The following ASIC2 variants were observed in gnomAD, a reference collection of about 807,000 sequenced individuals.
ASIC2 encodes acid sensing ion channel subunit 2.
A neutral mutation model predicts 57.3 loss-of-function variants in ASIC2; 25 were observed. That is an observed-to-expected ratio of 0.44 (90% CI 0.32 to 0.61). ASIC2 has a LOEUF of 0.61. Among genes scored for constraint, ASIC2 ranks in the 20% least tolerant of loss-of-function variants. ASIC2 has a pLI of 0.06. For missense variants in ASIC2, 641 were observed against 738.1 expected, an observed-to-expected ratio of 0.87 and a Z score of 1.52; for synonymous variants, 319 against 307.5, an observed-to-expected ratio of 1.04 and a Z score of -0.39.
At chr17:33,579,826 G>C (rs1465975713) in intron 1 of ASIC2, among the ~76,000 whole-genome samples, 2 of 152,184 alleles carry the variant, frequency 1.3e-5, no homozygotes, top group East Asian at 1.9e-4. Flanking sequence ...TCGGCGTCTG[G>C]CTCGGGTGGG....
At position 34,156,652 on chromosome 17, in the gene ASIC2, G is replaced by A; in HGVS notation, c.-120C>T. 1.9e-6 allele frequency: 2 copies of A among 1,062,064 alleles called. No homozygotes were observed. Among genetic ancestry groups the A allele is most frequent in the Non-Finnish European group, 2.7e-6 (2 of 753,454 alleles). 65.8% of individuals were successfully genotyped at this position (1,062,064 alleles called of 1,614,324 possible). Reference sequence around the variant, plus strand: ...GGGGAGAGAACGCAAGGCAAGCATCGCGCCAGATGCTGTGAGTTTATCCTG... The same window carrying A: ...GGGGAGAGAACGCAAGGCAAGCATCACGCCAGATGCTGTGAGTTTATCCTG... On this transcript the variant is annotated 5_prime_UTR_variant, in exon 1 of 10. Coordinates refer to the ASIC2 transcript ENST00000359872. This position sits in a 1 kb window ranked among gnomAD's most constrained non-coding sequence, Gnocchi z 4.4.
intron 1 of ASIC2, chr17:34,071,286 T>C (rs1186083126): frequency 1.3e-5 from 2 of 152,064 alleles, no homozygotes; most frequent in Admixed American, 6.5e-5. Context: ...TACATAACCT[T>C]GAGGCATGTC....
chr17:33,055,404 C>T (rs1479066587), intron 3 of ASIC2, among the ~76,000 whole-genome samples: 1 of 152,226 alleles, frequency 6.6e-6, no homozygotes, highest in East Asian at 1.9e-4. Flanking sequence ...CCAAGGGCCT[C>T]TGGGGTCAGC....
At chr17:33,239,150 G>C (rs780869098) in intron 1 of ASIC2, among the ~76,000 whole-genome samples, 2 of 151,966 alleles carry the variant, frequency 1.3e-5, no homozygotes, top group Admixed American at 6.6e-5. Context: ...AATTAGCTGG[G>C]CGTGGTGGCA....
chr17:33,528,186 G>GTGTGTGTGTGTGTGTGTGT (rs1567640142), intron 1 of ASIC2, among the ~76,000 whole-genome samples: 15 of 151,734 alleles, frequency 9.9e-5, no homozygotes, highest in East Asian at 5.9e-4. Context: ...GTGTGTGTGT[G>GTGTGTGTGTGTGTGTGTGT]GTTTCCAGCT....
At chr17:33,154,813 TCTGAA>T (rs1480722120) in intron 1 of ASIC2, among the ~76,000 whole-genome samples, 1 of 152,224 alleles carries the variant, frequency 6.6e-6, no homozygotes, top group African/African-American at 2.4e-5. Flanking sequence ...GTTTTAAGCT[TCTGAA>T]CTTTCTGCTA....
chr17:33,190,458 T>C (rs1906369963), intron 1 of ASIC2, among the ~76,000 whole-genome samples: 1 of 152,176 alleles, frequency 6.6e-6, no homozygotes, highest in Admixed American at 6.5e-5. Flanking sequence ...ACATCAATTC[T>C]TACCAAATTG....
chr17:33,846,726 CTT>C (rs71144902), intron 1 of ASIC2, among the ~76,000 whole-genome samples: 13 of 143,570 alleles, frequency 9.1e-5, no homozygotes, highest in Admixed American at 7.0e-5. Context: ...TCAGTGATAA[CTT>C]TTTTTTTTTT....
At chr17:33,631,770 A>T (rs543589309) in intron 1 of ASIC2, among the ~76,000 whole-genome samples, 2 of 152,214 alleles carry the variant, frequency 1.3e-5, no homozygotes, top group Non-Finnish European at 2.9e-5. Context: ...ATCTCCTTCC[A>T]GGGTGGAATG....
At chr17:33,414,716 C>T (rs1224258413) in intron 1 of ASIC2, among the ~76,000 whole-genome samples, 1 of 152,212 alleles carries the variant, frequency 6.6e-6, no homozygotes, top group African/African-American at 2.4e-5. Context: ...ACTGAGAATG[C>T]TGAACACGTT....
chr17:33,514,694 A>G (rs1212329447), intron 1 of ASIC2, among the ~76,000 whole-genome samples: 2 of 152,206 alleles, frequency 1.3e-5, no homozygotes, highest in Admixed American at 1.3e-4. Context: ...AAGGACTTTT[A>G]TGACCGTGCT....
intron 1 of ASIC2, among the ~76,000 whole-genome samples, chr17:33,808,763 T>C (rs971137320): frequency 1.3e-5 from 2 of 152,146 alleles, no homozygotes; most frequent in African/African-American, 2.4e-5. Flanking sequence ...GTGAGGAGCA[T>C]TAAAGAGATG....
chr17:34,058,520 A>C (rs929618006), intron 1 of ASIC2, among the ~76,000 whole-genome samples: 2 of 147,760 alleles, frequency 1.4e-5, no homozygotes, highest in Non-Finnish European at 2.9e-5. Flanking sequence ...ACAAATGCTT[A>C]GCTCAGACTT....
intron 1 of ASIC2, among the ~76,000 whole-genome samples, chr17:33,625,362 A>G (rs1905952016): frequency 6.6e-6 from 1 of 152,206 alleles, no homozygotes; most frequent in Non-Finnish European, 1.5e-5. Flanking sequence ...CAACCAGTGA[A>G]GAACTAAGGC....
intron 1 of ASIC2, among the ~76,000 whole-genome samples, chr17:33,428,687 C>T (rs1428505029): frequency 1.3e-5 from 2 of 152,184 alleles, no homozygotes; most frequent in East Asian, 1.9e-4. Context: ...GACCCATGAA[C>T]CCTCCCTGCA....
At chr17:33,289,762 A>G (rs1489772176) in intron 1 of ASIC2, among the ~76,000 whole-genome samples, 1 of 152,212 alleles carries the variant, frequency 6.6e-6, no homozygotes, top group Admixed American at 6.5e-5. Flanking sequence ...AATTCCACAC[A>G]CTTTGCAAAG....
At chr17:33,890,498 C>T (rs1272119721) in intron 1 of ASIC2, among the ~76,000 whole-genome samples, 1 of 152,230 alleles carries the variant, frequency 6.6e-6, no homozygotes, top group African/African-American at 2.4e-5. Context: ...TCCTTTTGAT[C>T]CTCAAGAAAC....
At chr17:33,611,481 C>T (rs544357092) in intron 1 of ASIC2, among the ~76,000 whole-genome samples, 1 of 152,328 alleles carries the variant, frequency 6.6e-6, no homozygotes, top group East Asian at 1.9e-4. Flanking sequence ...CTTAAAATCT[C>T]AGTGGCTTCC....
chr17:33,057,140 AG>A (rs2092001376), intron 3 of ASIC2, among the ~76,000 whole-genome samples: 1 of 152,148 alleles, frequency 6.6e-6, no homozygotes, highest in Admixed American at 6.5e-5. Context: ...TCTGCATTAC[AG>A]GGAGGCTTGT....
Sources: gnomAD v4.1 joint callset for allele counts (sites outside exome capture counted in the v4.1 genomes callset) on GRCh38, gnomAD v4.1.1 for gene constraint, Gnocchi (gnomAD v3.1) non-coding constraint, MANE v1.5 for transcripts, NCBI Gene and HGNC (gene_info 2026-07-23, HGNC 2026-07-21) for gene names.